Variants in PAFAH2 observed in about 807,000 individuals in gnomAD.
PAFAH2 encodes the protein platelet activating factor acetylhydrolase 2.
In PAFAH2, 42 loss-of-function variants were observed where a neutral mutation model predicts 49.0. The observed-to-expected ratio is 0.86, with a 90% CI of 0.67 to 1.11. PAFAH2 has a LOEUF of 1.11. Ranked by LOEUF, PAFAH2 falls within the 50% of genes least tolerant of loss-of-function variation. The pLI, the probability that PAFAH2 is intolerant of heterozygous loss-of-function variation, is 0.00. For missense variants in PAFAH2, 503 were observed against 501.8 expected (o/e 1.00, Z -0.02); for synonymous variants, 184 against 181.3 (o/e 1.01, Z -0.12).
At position 25,972,670 on chromosome 1, in the gene PAFAH2, A is replaced by T. The variant is rs200988616; in HGVS notation, c.972T>A (p.Thr324=). Residue 324 remains threonine, a synonymous_variant, in exon 10 of 11, where the codon ACT becomes ACA. Coordinates refer to ENST00000374282, the MANE Select transcript of PAFAH2 (RefSeq NM_000437.4). ...AGAAGAATTTACCAATCAAGTTGCC[A>T]GTCACAAAAGCAAAGTCAGTTTGAC... ...HRSQTDFAFV[T]GNLIGKFFST... 5.6e-6 allele frequency: 9 copies of T among 1,613,966 alleles called. No homozygotes were observed. Among genetic ancestry groups the T allele is most frequent in the Middle Eastern group, 1.7e-4 (1 of 6,056 alleles).
intron 7 of PAFAH2, among the ~76,000 whole-genome samples, chr1:25,978,099 T>A (rs1051495773): frequency 6.6e-6 from 1 of 152,170 alleles, no homozygotes; most frequent in African/African-American, 2.4e-5. Context: ...CTCTGAACTT[T>A]TGCTCTGCTC....
intron 6 of PAFAH2, among the ~76,000 whole-genome samples, chr1:25,983,226 A>G (rs947364509): frequency 1.3e-5 from 2 of 151,966 alleles, no homozygotes; most frequent in African/African-American, 4.8e-5. Context: ...CCCCGTCTCT[A>G]CTAAAAAAAC....
chr1:25,987,759 G>A lies in PAFAH2; in HGVS notation c.341+472C>T, dbSNP rs113585083. On this transcript the variant is annotated intron_variant, in intron 4 of 10. Coordinates refer to ENST00000374282, the MANE Select transcript of PAFAH2 (RefSeq NM_000437.4). ...TAAAAATAGCCAGGCGTGGTGGTAC[G>A]TGCCAGCTACTTGGTGGCTGAGGCA... 5.1e-3 allele frequency among the ~76,000 whole-genome samples: 769 copies of A among 151,798 alleles called. 8 individuals carry two copies. Among genetic ancestry groups the A allele is most frequent in the African/African-American group, 0.017 (719 of 41,414 alleles).
At chr1:25,972,791 A>G in intron 9 of PAFAH2, 79 bp from the exon 10 acceptor site, 1 of 1,440,304 alleles carries the variant, frequency 6.9e-7, no homozygotes, top group Non-Finnish European at 9.7e-7. Context: ...ACTATGTGCA[A>G]GGTGCTTTTC....
In PAFAH2 at chr1:25,980,611, T is replaced by TTATA. The variant is rs1553136351; in HGVS notation, c.666+1749_666+1752dup. 2.0e-3 allele frequency among the ~76,000 whole-genome samples: 145 copies of TTATA among 74,220 alleles called. 1 individual carries two copies. Among genetic ancestry groups the TTATA allele is most frequent in the African/African-American group, 3.8e-3 (122 of 31,774 alleles). The allele number at this position is 74,220 out of a possible 152,430, so 48.7% of individuals were successfully genotyped here. On this transcript the variant is annotated intron_variant, in intron 7 of 10. Coordinates refer to ENST00000374282, the MANE Select transcript of PAFAH2 (RefSeq NM_000437.4). ...CGTGAGCCACCGCACTGGGCCATAT[T>TTATA]TATATATATATATATATATATTTTA...
Position 25,972,700 on chromosome 1 carries a change from A to G in PAFAH2, c.942T>C (p.His314=). Reference sequence around the variant, plus strand: ...CAAAAGCAAAGTCAGTTTGACTCCGATGAACAGAACCACTAGGGGAAAAGA... The same window carrying G: ...CAAAAGCAAAGTCAGTTTGACTCCGGTGAACAGAACCACTAGGGGAAAAGA... ...SRIITVLGSV[H]RSQTDFAFVT... is the part of the protein sequence containing the mutation. Residue 314 remains histidine, a synonymous_variant, in exon 10 of 11, where the codon CAT becomes CAC. Transcript: ENST00000374282. 6.2e-7 allele frequency: 1 copy of G among 1,613,992 alleles called. No individual in the cohort carries two copies. The highest frequency in any genetic ancestry group is 8.5e-7 in the Non-Finnish European group (1 of 1,179,862).
intron 10 of PAFAH2, among the ~76,000 whole-genome samples, chr1:25,964,643 T>C (rs539150199): frequency 2.6e-5 from 4 of 152,254 alleles, no homozygotes; most frequent in Admixed American, 1.3e-4. Context: ...CCATTTGTAA[T>C]GGCCACCAAA....
In PAFAH2 at chr1:25,974,628, A is replaced by T; in HGVS notation, c.781T>A (p.Trp261Arg). Reference protein sequence around the residue: ...QFRCAVALDAWMFPLERDFYP... With the variant: ...QFRCAVALDARMFPLERDFYP... ...AAGTCACGTTCCAGAGGAAACATCC[A>T]AGCATCCAGAGCCACCGCACACCTG... is the stretch of plus-strand genomic sequence containing the variant. The change falls in exon 9 of 11, where the codon TGG (tryptophan) becomes AGG (arginine). Residue 261 changes from tryptophan (W) to arginine (R), a missense_variant. Trp to Arg is a moderately radical substitution (Grantham distance 101, BLOSUM62 -3). Transcript: ENST00000374282. 1 of 1,613,992 alleles carries T rather than the reference A, an allele frequency of 6.2e-7. No individual in the cohort carries two copies. The highest frequency in any genetic ancestry group is 1.1e-5 in the South Asian group (1 of 91,064).
At chr1:25,979,968 C>T (rs528398331) in intron 7 of PAFAH2, among the ~76,000 whole-genome samples, 44 of 152,330 alleles carry the variant, frequency 2.9e-4, no homozygotes, top group African/African-American at 1.0e-3. Flanking sequence ...GCCCAGGGCA[C>T]CTCCAAGTCT....
intron 1 of PAFAH2, among the ~76,000 whole-genome samples, chr1:25,996,151 T>C (rs1479923412): frequency 2.7e-5 from 4 of 150,372 alleles, no homozygotes; most frequent in Non-Finnish European, 4.4e-5. Flanking sequence ...AGCCCAGGAG[T>C]TCAAGACCAG....
At chr1:25,962,202 T>C (rs1440656540) in intron 10 of PAFAH2, 119 bp from the exon 11 acceptor site, 6 of 714,280 alleles carry the variant, frequency 8.4e-6, no homozygotes, top group South Asian at 7.8e-5. Context: ...CCAAAAGGAC[T>C]GGTTTTGGTG....
At chr1:25,991,895 AAAACAAAC>A (rs772811813) in intron 1 of PAFAH2, among the ~76,000 whole-genome samples, 2 of 152,150 alleles carry the variant, frequency 1.3e-5, no homozygotes, top group South Asian at 4.2e-4. Flanking sequence ...CCTGTCTCAA[AAAACAAAC>A]AAACAAACAA....
intron 1 of PAFAH2, among the ~76,000 whole-genome samples, chr1:25,992,030 C>T (rs1240347740): frequency 2.0e-5 from 3 of 152,212 alleles, no homozygotes; most frequent in Non-Finnish European, 2.9e-5. Context: ...TTAACCATTA[C>T]TGATCCTGCT....
intron 1 of PAFAH2, among the ~76,000 whole-genome samples, chr1:25,997,804 T>G (rs2049956974): frequency 6.6e-6 from 1 of 151,924 alleles, no homozygotes; most frequent in Non-Finnish European, 1.5e-5. Flanking sequence ...GGACGGGAGC[T>G]CAGTGGGGAT....
chr1:25,997,398 A>G (rs2049951357), intron 1 of PAFAH2: 1 of 152,226 alleles, frequency 6.6e-6, no homozygotes, highest in African/African-American at 2.4e-5. Flanking sequence ...CTTACAGTTT[A>G]CAAGGCATCT....
chr1:25,963,462 A>G (rs928776633), intron 10 of PAFAH2, among the ~76,000 whole-genome samples: 1 of 152,136 alleles, frequency 6.6e-6, no homozygotes, highest in African/African-American at 2.4e-5. Context: ...GGTGGTGGCC[A>G]GGGGTTGGAG....
intron 10 of PAFAH2, among the ~76,000 whole-genome samples, chr1:25,972,244 T>G (rs1469557218): frequency 6.6e-6 from 1 of 151,180 alleles, no homozygotes; most frequent in South Asian, 2.1e-4. Flanking sequence ...TATAGGTGTG[T>G]GCCACCACAC....
intron 4 of PAFAH2, among the ~76,000 whole-genome samples, chr1:25,985,361 T>C (rs994764032): frequency 3.3e-5 from 5 of 152,210 alleles, no homozygotes; most frequent in Admixed American, 6.5e-5. Flanking sequence ...TAGGAAACCA[T>C]AGGTCCATGA....
At chr1:25,993,239 T>A (rs2049898615) in intron 1 of PAFAH2, among the ~76,000 whole-genome samples, 1 of 152,194 alleles carries the variant, frequency 6.6e-6, no homozygotes, top group Non-Finnish European at 1.5e-5. Context: ...ACACTGAGTC[T>A]GGGGTCCACA....
Sources: gnomAD v4.1 joint callset for allele counts (sites outside exome capture counted in the v4.1 genomes callset) on GRCh38, gnomAD v4.1.1 for gene constraint, MANE v1.5 for transcripts, NCBI Gene and HGNC (gene_info 2026-07-23, HGNC 2026-07-21) for gene names.